The following LRP5 variants were observed in gnomAD, a reference collection of about 807,000 sequenced individuals.
The protein encoded by LRP5 is LDL receptor related protein 5.
LRP5 carries 62 observed loss-of-function variants against 154.1 expected under a neutral mutation model. The ratio of observed to expected loss-of-function variants is 0.40; its 90% CI spans 0.33 to 0.50. LRP5 has a LOEUF of 0.50. LRP5 is among the 20% of genes least tolerant of loss of function. The pLI is 0.55. For synonymous variants in LRP5, 966 were observed against 1,011.5 expected (o/e 0.96, Z 0.85); for missense variants, 1,915 against 2,336.7 (o/e 0.82, Z 3.72).
intron 5 of LRP5, among the ~76,000 whole-genome samples, chr11:68,370,592 CAG>C (rs1488973497): frequency 1.3e-5 from 2 of 152,214 alleles, no homozygotes; most frequent in Non-Finnish European, 2.9e-5. Context: ...CCAGAGCCGT[CAG>C]GGCCGCAGGG....
chr11:68,413,691 C>A lies in LRP5; in HGVS notation c.2506C>A (p.Gln836Lys). The A allele has an allele frequency of 6.2e-7, 1 of 1,613,654 alleles. No individual in the cohort carries two copies. Among genetic ancestry groups the A allele is most frequent in the South Asian group, 1.1e-5 (1 of 91,070 alleles). ...NMIESSNMLGQERVVIADDLP... is the reference protein window; with the variant it reads ...NMIESSNMLGKERVVIADDLP... ...CGTGCCCGTGTGTGTTCATGCAGGTCAGGAGCGGGTCGTGATTGCCGACGA... is the reference window on the plus strand; with the variant it reads ...CGTGCCCGTGTGTGTTCATGCAGGTAAGGAGCGGGTCGTGATTGCCGACGA... The change falls in exon 12 of 23, where the codon CAG becomes AAG. Residue 836 changes from glutamine (Q) to lysine (K), a missense_variant and splice_region_variant. Gln to Lys is a moderately conservative substitution (Grantham distance 53). Around this residue, in one of 3 missense-constraint regions of LRP5, gnomAD observed 1,094 missense variants for 1,210.1 expected, o/e 0.90. Transcript: ENST00000294304. This position sits in a 1 kb window ranked among gnomAD's most constrained non-coding sequence, Gnocchi z 5.1.
chr11:68,324,119 A>T (rs901118065), intron 1 of LRP5, among the ~76,000 whole-genome samples: 3 of 152,164 alleles, frequency 2.0e-5, no homozygotes, highest in African/African-American at 7.2e-5. Flanking sequence ...TAGAGCATGG[A>T]GTTCTCCTTC....
chr11:68,380,972 A>G lies in LRP5; in HGVS notation c.1016-5344A>G, dbSNP rs141582726. On this transcript the variant is annotated intron_variant, in intron 5 of 22. Transcript: ENST00000294304. The stretch of plus-strand genomic sequence containing the variant: ...CCTGTGTATGTGATCTAATTTGGAA[A>G]CAGGGTCTTGGCAGATGTAATCAAG... Among the ~76,000 whole-genome samples, 58 of 152,344 alleles carry G rather than the reference A, an allele frequency of 3.8e-4. 1 individual carries two copies. The highest frequency in any genetic ancestry group is 1.3e-3 in the African/African-American group (55 of 41,580).
upstream of LRP5, among the ~76,000 whole-genome samples, chr11:68,308,258 G>T (rs1201850143): frequency 6.6e-6 from 1 of 152,212 alleles, no homozygotes; most frequent in Non-Finnish European, 1.5e-5. Context: ...GCCGGGTTGG[G>T]GGGGGCTCTT....
the LRP5 span, among the ~76,000 whole-genome samples, chr11:68,303,158 A>G: frequency 6.6e-6 from 1 of 152,146 alleles, no homozygotes; most frequent in Non-Finnish European, 1.5e-5. Flanking sequence ...TTGAGACAGG[A>G]TCTTGCTCTG....
chr11:68,312,614 A>AG lies in LRP5; in HGVS notation c.-95dup. On this transcript the variant is annotated 5_prime_UTR_variant, in exon 1 of 23. Coordinates refer to ENST00000294304, the MANE Select transcript of LRP5 (RefSeq NM_002335.4). Reference sequence around the variant, plus strand: ...CCGTCGTCCTGGTCCGCGGCGCCCGAGGGGGGAGGCGGAGGCGCCGGGAGC... The same window carrying AG: ...CCGTCGTCCTGGTCCGCGGCGCCCGAGGGGGGGAGGCGGAGGCGCCGGGAGC... 1 of 381,434 alleles carries AG rather than the reference A, an allele frequency of 2.6e-6. No homozygotes were observed. Among genetic ancestry groups the AG allele is most frequent in the Non-Finnish European group, 3.6e-6 (1 of 280,104 alleles). 23.6% of individuals were successfully genotyped at this position (381,434 alleles called of 1,614,324 possible).
intron 5 of LRP5, among the ~76,000 whole-genome samples, chr11:68,379,837 A>G (rs1244393543): frequency 4.6e-5 from 7 of 152,160 alleles, no homozygotes; most frequent in Non-Finnish European, 1.0e-4. Flanking sequence ...CTGATATTAT[A>G]AAAGTCACTC....
chr11:68,342,178 G>T (rs915105019), intron 1 of LRP5, among the ~76,000 whole-genome samples: 1 of 151,772 alleles, frequency 6.6e-6, no homozygotes, highest in South Asian at 2.1e-4. Flanking sequence ...CTCTCTCCTC[G>T]GAAAGTGCTG....
intron 1 of LRP5, among the ~76,000 whole-genome samples, chr11:68,316,759 C>A (rs2098593641): frequency 6.6e-6 from 1 of 152,170 alleles, no homozygotes; most frequent in African/African-American, 2.4e-5. Flanking sequence ...GACTCTCCTG[C>A]CGAGGTTCAG....
In LRP5 at chr11:68,357,673, G is replaced by T. The variant is rs121908668; in HGVS notation, c.512G>T (p.Gly171Val). The T allele has an allele frequency of 6.2e-7, 1 of 1,614,122 alleles. No individual in the cohort carries two copies. ...AGGTACATGTACTGGACAGACTGGG[G>T]TGAGACGCCCCGGATTGAGCGGGCA... Reference protein sequence around the residue: ...AHGYMYWTDWGETPRIERAGM... With the variant: ...AHGYMYWTDWVETPRIERAGM... Residue 171 changes from glycine (G) to valine (V), a missense_variant, in exon 3 of 23, where the codon GGT becomes GTT. Coordinates refer to ENST00000294304, the MANE Select transcript of LRP5 (RefSeq NM_002335.4).
intron 21 of LRP5, among the ~76,000 whole-genome samples, chr11:68,441,562 T>A (rs2098678226): frequency 6.6e-6 from 1 of 152,138 alleles, no homozygotes; most frequent in Non-Finnish European, 1.5e-5. Flanking sequence ...CTGCCCTTCT[T>A]CCCTGCTCCT....
intron 3 of LRP5, among the ~76,000 whole-genome samples, chr11:68,358,552 C>T (rs553262659): frequency 7.2e-5 from 11 of 152,206 alleles, no homozygotes; most frequent in Non-Finnish European, 1.2e-4. Context: ...GCACCACCCC[C>T]ACCCTGGCCC....
At chr11:68,401,675 C>T (rs1394649294) in intron 7 of LRP5, among the ~76,000 whole-genome samples, 2 of 152,054 alleles carry the variant, frequency 1.3e-5, no homozygotes, top group South Asian at 2.1e-4. Flanking sequence ...GCTTCCAGTC[C>T]CCTTCCCGCT....
At position 68,326,513 on chromosome 11, in the gene LRP5, G is replaced by T. The variant is rs560417289; in HGVS notation, c.91+13708G>T. Among the ~76,000 whole-genome samples, 6 of 152,340 alleles carry T rather than the reference G, an allele frequency of 3.9e-5. No individual in the cohort carries two copies. In the South Asian group the frequency reaches 1.2e-3, roughly 32 times the overall value. ...GGTCCCTGCCCACCCGTCTTCCCTC[G>T]CCCTGGCCGTGACGGTCAGTGCCTT... On this transcript the variant is annotated intron_variant, in intron 1 of 22. Transcript: ENST00000294304.
intron 21 of LRP5, among the ~76,000 whole-genome samples, chr11:68,441,977 A>G (rs568429976): frequency 6.6e-6 from 1 of 152,356 alleles, no homozygotes; most frequent in East Asian, 1.9e-4. Context: ...TCTGCAGTCC[A>G]AAGAGACTCC....
intron 7 of LRP5, among the ~76,000 whole-genome samples, chr11:68,397,966 G>GTATGTT (rs2098650367): frequency 7.3e-6 from 1 of 137,306 alleles, no homozygotes; most frequent in Non-Finnish European, 1.6e-5. Context: ...GCAGAGCTGT[G>GTATGTT]TGTGTTTGTG....
the LRP5 span, among the ~76,000 whole-genome samples, chr11:68,300,969 G>T: frequency 1.3e-4 from 19 of 146,088 alleles, 3 homozygotes; most frequent in Admixed American, 1.2e-3. Flanking sequence ...TCTTGCTTTT[G>T]CCCAGGCTGG....
In LRP5 at chr11:68,386,526, C is replaced by T. The variant is rs199686378; in HGVS notation, c.1226C>T (p.Thr409Met). 140 of 1,613,742 alleles carry T rather than the reference C, an allele frequency of 8.7e-5. No individual in the cohort carries two copies. Among genetic ancestry groups the T allele is most frequent in the Non-Finnish European group, 9.3e-5 (110 of 1,179,978 alleles). ...TACCTGGACGGGTCTGGGGCGCAGACGCTGGTCAACACCGAGATCAACGAC... is the reference window on the plus strand; with the variant it reads ...TACCTGGACGGGTCTGGGGCGCAGATGCTGGTCAACACCGAGATCAACGAC... ...RAYLDGSGAQ[T>M]LVNTEINDPD... The change falls in exon 6 of 23, where the codon ACG (threonine) becomes ATG (methionine). Residue 409 changes from threonine (T) to methionine (M), a missense_variant. This residue lies in a region of LRP5 where 773 missense variants were observed against 1,100.9 expected (regional missense o/e 0.70). Transcript: ENST00000294304. This position sits in a 1 kb window ranked among gnomAD's most constrained non-coding sequence, Gnocchi z 7.9.
intron 1 of LRP5, among the ~76,000 whole-genome samples, chr11:68,329,516 C>T (rs764783052): frequency 5.3e-5 from 8 of 152,188 alleles, no homozygotes; most frequent in East Asian, 1.9e-4. Context: ...TAAAAGAAAT[C>T]GGCGAACAGC....
Sources: allele counts gnomAD v4.1 joint callset (sites outside exome capture counted in the v4.1 genomes callset), GRCh38; gene constraint gnomAD v4.1.1; regional missense constraint gnomAD v4.1.1; non-coding constraint Gnocchi (gnomAD v3.1); transcripts MANE v1.5; gene names NCBI Gene and HGNC (gene_info 2026-07-23, HGNC 2026-07-21).